GPC5: variants seen among roughly 807,000 people sequenced by gnomAD.
GPC5 encodes the protein glypican-5.
In GPC5, 47 loss-of-function variants were observed where a neutral mutation model predicts 53.9. The ratio of observed to expected loss-of-function variants is 0.87; its 90% CI spans 0.69 to 1.11. GPC5 has a LOEUF of 1.11. Ranked by LOEUF, GPC5 falls within the 50% of genes most tolerant of loss-of-function variation. GPC5 has a pLI of 0.00. For missense variants in GPC5, 748 were observed against 713.1 expected (o/e 1.05, Z -0.56); for synonymous variants, 286 against 263.3 (o/e 1.09, Z -0.84).
At chr13:92,267,505 A>C (rs1239162639) in intron 7 of GPC5, among the ~76,000 whole-genome samples, 1 of 152,046 alleles carries the variant, frequency 6.6e-6, no homozygotes, top group Non-Finnish European at 1.5e-5. Context: ...TCATTGGCTG[A>C]TCTTTCTCAG....
intron 7 of GPC5, among the ~76,000 whole-genome samples, chr13:92,547,819 C>CTTTTTTTTTTTTTTTT (rs567478017): frequency 2.0e-5 from 2 of 100,448 alleles, no homozygotes; most frequent in Non-Finnish European, 1.8e-5. Flanking sequence ...GCCTATTATT[C>CTTTTTTTTTTTTTTTT]TTTTTTTTTT....
chr13:91,576,677 C>G lies in GPC5; in HGVS notation c.326-116510C>G, dbSNP rs190813978. ...CAGGGAAAGAGATGTGTTTCCAGAG[C>G]CTGATGAGAGCTGCAACAATGGAAA... On this transcript the variant is annotated intron_variant, in intron 2 of 7. Coordinates refer to ENST00000377067, the MANE Select transcript of GPC5 (RefSeq NM_004466.6). Among the ~76,000 whole-genome samples, 9 of 152,206 alleles carry G rather than the reference C, an allele frequency of 5.9e-5. No homozygotes were observed. The East Asian group carries it at 1.4e-3, about 23-fold the overall frequency.
intron 7 of GPC5, among the ~76,000 whole-genome samples, chr13:92,699,079 C>G (rs1887648358): frequency 6.6e-6 from 1 of 151,964 alleles, no homozygotes; most frequent in Non-Finnish European, 1.5e-5. Flanking sequence ...GGTTGGTAGG[C>G]TATTAATTGC....
intron 2 of GPC5, among the ~76,000 whole-genome samples, chr13:91,617,091 T>C (rs1390671366): frequency 6.6e-6 from 1 of 152,154 alleles, no homozygotes; most frequent in Non-Finnish European, 1.5e-5. Flanking sequence ...TATTGATTTG[T>C]TTACCAAACA....
chr13:91,997,816 G>A (rs1240773925), intron 6 of GPC5, among the ~76,000 whole-genome samples: 1 of 152,074 alleles, frequency 6.6e-6, no homozygotes, highest in Admixed American at 6.6e-5. Context: ...CACCACACCT[G>A]GCCCCTCTTG....
chr13:91,983,203 G>T (rs1023395192), intron 6 of GPC5, among the ~76,000 whole-genome samples: 19 of 152,068 alleles, frequency 1.2e-4, no homozygotes, highest in African/African-American at 4.6e-4. Context: ...AAAATTAGCC[G>T]GGCGTACTGG....
At chr13:92,220,225 C>T (rs1009981156) in intron 7 of GPC5, among the ~76,000 whole-genome samples, 1 of 152,028 alleles carries the variant, frequency 6.6e-6, no homozygotes, top group East Asian at 1.9e-4. Context: ...TCTAGTGTAG[C>T]CACTCTTCTG....
intron 5 of GPC5, among the ~76,000 whole-genome samples, chr13:91,771,547 C>T (rs2037625398): frequency 6.6e-6 from 1 of 152,038 alleles, no homozygotes; most frequent in African/African-American, 2.4e-5. Flanking sequence ...ATGGTTATGG[C>T]AGACTAAAAT....
rs574616581 is a variant in GPC5 at position 91,646,525 on chromosome 13, A to G, written c.326-46662A>G. 2.6e-5 allele frequency among the ~76,000 whole-genome samples: 4 copies of G among 152,124 alleles called. No individual in the cohort carries two copies. In the East Asian group the frequency reaches 7.7e-4, roughly 29 times the overall value. ...TTTTAAATAATTAAGAATATAAATT[A>G]TATTTTTTAAATGACAAAATGAAAT... On this transcript the variant is annotated intron_variant, in intron 2 of 7. Transcript: ENST00000377067.
chr13:91,445,695 G>A (rs1441868488), intron 1 of GPC5, among the ~76,000 whole-genome samples: 6 of 152,002 alleles, frequency 3.9e-5, no homozygotes, highest in African/African-American at 7.2e-5. Context: ...GGCTGGTCTC[G>A]AACTCCTGAC....
chr13:92,708,717 G>T (rs1192676909), intron 7 of GPC5, among the ~76,000 whole-genome samples: 1 of 151,440 alleles, frequency 6.6e-6, no homozygotes, highest in Non-Finnish European at 1.5e-5. Context: ...ACGTAAGGTT[G>T]GGGAGAAGAG....
At chr13:91,643,447 CA>C (rs2034482952) in intron 2 of GPC5, among the ~76,000 whole-genome samples, 2 of 152,070 alleles carry the variant, frequency 1.3e-5, no homozygotes, top group African/African-American at 4.8e-5. Flanking sequence ...AAATATACAC[CA>C]GACTTTGGGC....
intron 2 of GPC5, among the ~76,000 whole-genome samples, chr13:91,548,626 C>T (rs1594238404): frequency 6.6e-6 from 1 of 152,234 alleles, no homozygotes; most frequent in Middle Eastern, 3.4e-3. Context: ...CATGGAGAGG[C>T]AGAAGATCCA....
chr13:91,969,527 T>G (rs923024458), intron 6 of GPC5, among the ~76,000 whole-genome samples: 23 of 152,064 alleles, frequency 1.5e-4, no homozygotes, highest in African/African-American at 3.9e-4. Context: ...AGGGGTACTA[T>G]ACCAATTTTA....
At position 92,677,701 on chromosome 13, in the gene GPC5, G is replaced by A. The variant is rs371214309; in HGVS notation, c.1562-188581G>A. Among the ~76,000 whole-genome samples the A allele has an allele frequency of 2.6e-5, 4 of 152,170 alleles. No homozygotes were observed. In the South Asian group the frequency reaches 6.2e-4, roughly 24 times the overall value. Reference sequence around the variant, plus strand: ...AGAGGCAAAAGTAGTCATGGTCTGCGTCCTGGCTCAGGAGGACAGTATGTG... The same window carrying A: ...AGAGGCAAAAGTAGTCATGGTCTGCATCCTGGCTCAGGAGGACAGTATGTG... On this transcript the variant is annotated intron_variant, in intron 7 of 7. Coordinates refer to ENST00000377067, the MANE Select transcript of GPC5 (RefSeq NM_004466.6).
At chr13:91,855,096 T>G (rs1809189751) in intron 5 of GPC5, among the ~76,000 whole-genome samples, 1 of 151,840 alleles carries the variant, frequency 6.6e-6, no homozygotes, top group African/African-American at 2.4e-5. Flanking sequence ...TTGAATTTTT[T>G]AATCCTGTTT....
intron 2 of GPC5, among the ~76,000 whole-genome samples, chr13:91,449,429 G>T (rs542475293): frequency 1.3e-5 from 2 of 152,146 alleles, no homozygotes; most frequent in East Asian, 3.9e-4. Flanking sequence ...CATGTGCCAT[G>T]GTGGTTTGCT....
intron 7 of GPC5, among the ~76,000 whole-genome samples, chr13:92,416,807 T>C (rs1876319931): frequency 6.6e-6 from 1 of 152,074 alleles, no homozygotes; most frequent in Non-Finnish European, 1.5e-5. Context: ...AGAAAATATT[T>C]CTAAAACCTG....
chr13:92,188,038 G>T (rs772142393), intron 7 of GPC5, among the ~76,000 whole-genome samples: 1 of 152,098 alleles, frequency 6.6e-6, no homozygotes, highest in African/African-American at 2.4e-5. Flanking sequence ...TGATATGACA[G>T]TACCTACTTT....
Sources: allele counts gnomAD v4.1 joint callset (sites outside exome capture counted in the v4.1 genomes callset), GRCh38; gene constraint gnomAD v4.1.1; transcripts MANE v1.5; gene names NCBI Gene and HGNC (gene_info 2026-07-23, HGNC 2026-07-21).